The following CNTN4 variants were observed in gnomAD, a reference collection of about 807,000 sequenced individuals.
CNTN4 encodes contactin-4.
CNTN4 carries 77 observed loss-of-function variants against 122.5 expected under a neutral mutation model. The ratio of observed to expected loss-of-function variants is 0.63; its 90% CI spans 0.52 to 0.76. The LOEUF is 0.76. Ranked by LOEUF, CNTN4 falls within the 30% of genes least tolerant of loss-of-function variation. The probability of loss-of-function intolerance (pLI) is 0.00; values close to 1 mark genes in which losing one functional copy is unlikely to be tolerated. For synonymous variants in CNTN4, 512 were observed against 447.0 expected, an observed-to-expected ratio of 1.15 and a Z score of -1.83; for missense variants, 1,256 against 1,259.1, an observed-to-expected ratio of 1.00 and a Z score of 0.04.
chr3:2,201,603 A>T (rs2038098414), intron 2 of CNTN4, among the ~76,000 whole-genome samples: 1 of 152,182 alleles, frequency 6.6e-6, no homozygotes, highest in African/African-American at 2.4e-5. Flanking sequence ...ATTTCTTTTC[A>T]GAAGAGCTGC....
intron 3 of CNTN4, among the ~76,000 whole-genome samples, chr3:2,361,470 G>A (rs951771142): frequency 2.0e-5 from 3 of 152,110 alleles, no homozygotes; most frequent in East Asian, 1.9e-4. Flanking sequence ...AGAATCATCT[G>A]GCCAAAGATG....
intron 3 of CNTN4, among the ~76,000 whole-genome samples, chr3:2,388,176 G>A (rs1393483): frequency 0.92 from 140,258 of 152,296 alleles, 64,620 homozygotes; most frequent in East Asian, 0.99. Context: ...GAAAGAGCCA[G>A]TACAAACTAT....
intron 2 of CNTN4, among the ~76,000 whole-genome samples, chr3:2,177,014 CAA>C (rs2036776887): frequency 1.3e-5 from 2 of 152,018 alleles, no homozygotes; most frequent in South Asian, 2.1e-4. Context: ...AAAAATCACT[CAA>C]GAGTCAGTGA....
At chr3:2,462,900 A>G (rs914548875) in intron 3 of CNTN4, among the ~76,000 whole-genome samples, 6 of 152,196 alleles carry the variant, frequency 3.9e-5, no homozygotes, top group African/African-American at 1.4e-4. Context: ...GGACCGATAT[A>G]AAAATTATTA....
chr3:2,571,966 C>G (rs1408504062), intron 4 of CNTN4, among the ~76,000 whole-genome samples: 1 of 152,148 alleles, frequency 6.6e-6, no homozygotes, highest in Admixed American at 6.5e-5. Context: ...TTTGTTGATA[C>G]CACTCCATCT....
intron 3 of CNTN4, among the ~76,000 whole-genome samples, chr3:2,492,575 A>G (rs539028273): frequency 6.6e-6 from 1 of 152,280 alleles, no homozygotes; most frequent in African/African-American, 2.4e-5. Context: ...ATATTTACAG[A>G]TACGTAGGTG....
In CNTN4 at chr3:2,632,937, T is replaced by C. The variant is rs187363396; in HGVS notation, c.55+61379T>C. On this transcript the variant is annotated intron_variant, in intron 4 of 24. Coordinates refer to ENST00000418658, the MANE Select transcript of CNTN4 (RefSeq NM_175607.3). Reference sequence around the variant, plus strand: ...TTGCATTTTCCTTAAGAAATGTTGATTGAAAAATTACAAGTAATAGTATAT... The same window carrying C: ...TTGCATTTTCCTTAAGAAATGTTGACTGAAAAATTACAAGTAATAGTATAT... Among the ~76,000 whole-genome samples the C allele has an allele frequency of 2.0e-5, 3 of 150,762 alleles. No individual in the cohort carries two copies. The East Asian group carries it at 5.8e-4, about 29-fold the overall frequency.
intron 3 of CNTN4, among the ~76,000 whole-genome samples, chr3:2,524,336 A>G (rs2077324051): frequency 6.6e-6 from 1 of 152,102 alleles, no homozygotes; most frequent in Non-Finnish European, 1.5e-5. Context: ...TTATGGCCAA[A>G]TAATATTTCA....
At chr3:2,983,327 T>TTCTGTGTC (rs1045614599) in intron 13 of CNTN4, among the ~76,000 whole-genome samples, 2 of 150,564 alleles carry the variant, frequency 1.3e-5, no homozygotes, top group East Asian at 4.0e-4. Flanking sequence ...ATCATCCCCC[T>TTCTGTGTC]TCTGTGTCTA....
At chr3:2,129,712 A>G (rs1440268620) in intron 2 of CNTN4, among the ~76,000 whole-genome samples, 1 of 151,648 alleles carries the variant, frequency 6.6e-6, no homozygotes, top group Non-Finnish European at 1.5e-5. Context: ...TCTGCTTGGC[A>G]GTTAACTTCA....
chr3:2,234,264 G>A (rs750769730), intron 2 of CNTN4, among the ~76,000 whole-genome samples: 26 of 148,982 alleles, frequency 1.7e-4, no homozygotes, highest in Non-Finnish European at 3.6e-4. Context: ...TGTAATCCCA[G>A]CTACTTGGGA....
rs550809150 is a variant in CNTN4 at position 2,304,166 on chromosome 3, A to G, written c.-144-35012A>G. Among the ~76,000 whole-genome samples, 3 of 152,324 alleles carry G rather than the reference A, an allele frequency of 2.0e-5. No homozygotes were observed. In the South Asian group the frequency reaches 6.2e-4, roughly 32 times the overall value. On this transcript the variant is annotated intron_variant, in intron 2 of 24. Transcript: ENST00000418658. ...CATTGTAATGGGAAGTTAGAAGCCA[A>G]TATGTAAGTAGATAATTTCTTTTAC...
chr3:2,285,289 T>G (rs553514906), intron 2 of CNTN4, among the ~76,000 whole-genome samples: 1 of 152,180 alleles, frequency 6.6e-6, no homozygotes, highest in South Asian at 2.1e-4. Flanking sequence ...AGGATTTAAT[T>G]TGATGAATGG....
At chr3:2,546,660 T>TA (rs1308455861) in intron 3 of CNTN4, among the ~76,000 whole-genome samples, 4 of 151,794 alleles carry the variant, frequency 2.6e-5, no homozygotes, top group East Asian at 1.9e-4. Context: ...AATGAAAATT[T>TA]AAAAAAAACA....
intron 3 of CNTN4, among the ~76,000 whole-genome samples, chr3:2,450,637 A>G (rs549803238): frequency 2.6e-5 from 4 of 152,140 alleles, no homozygotes; most frequent in Non-Finnish European, 4.4e-5. Context: ...AAAAAAAAAG[A>G]ACTAAGGAGC....
intron 13 of CNTN4, among the ~76,000 whole-genome samples, chr3:2,950,306 C>T (rs138909548): frequency 1.4e-4 from 21 of 152,328 alleles, no homozygotes; most frequent in Admixed American, 6.5e-4. Context: ...GGTTGTCTGG[C>T]ATCTGCATCC....
intron 4 of CNTN4, among the ~76,000 whole-genome samples, chr3:2,612,020 A>G (rs566926659): frequency 7.4e-6 from 1 of 136,040 alleles, no homozygotes; most frequent in East Asian, 2.0e-4. Context: ...CTCAGGTGGT[A>G]ACATTTTAAT....
At chr3:2,352,860 TTA>T (rs1052436687) in intron 3 of CNTN4, among the ~76,000 whole-genome samples, 39 of 152,308 alleles carry the variant, frequency 2.6e-4, no homozygotes, top group African/African-American at 9.1e-4. Context: ...TGGAGAACTT[TTA>T]TGTCTAGCTG....
chr3:2,634,240 A>G (rs1253504292), intron 4 of CNTN4, among the ~76,000 whole-genome samples: 1 of 152,182 alleles, frequency 6.6e-6, no homozygotes, highest in Admixed American at 6.5e-5. Flanking sequence ...TCTCTTAGAT[A>G]TTACTCCATT....
Sources: gnomAD v4.1 joint callset for allele counts (sites outside exome capture counted in the v4.1 genomes callset) on GRCh38, gnomAD v4.1.1 for gene constraint, MANE v1.5 for transcripts, NCBI Gene and HGNC (gene_info 2026-07-23, HGNC 2026-07-21) for gene names.